SNAP91: variants seen among roughly 807,000 people sequenced by gnomAD.
SNAP91 encodes synaptosome associated protein 91.
Under a neutral mutation model 100.3 loss-of-function variants are expected in SNAP91, and 27 were observed. The observed-to-expected ratio is 0.27, with a 90% CI of 0.20 to 0.37. The LOEUF (loss-of-function observed/expected upper bound fraction) is 0.37, where lower values mean the gene tolerates loss of function less well. Ranked by LOEUF, SNAP91 falls within the 10% of genes least tolerant of loss-of-function variation. The pLI, the probability that SNAP91 is intolerant of heterozygous loss-of-function variation, is 1.00. For missense variants in SNAP91, 986 were observed against 1,123.7 expected, an observed-to-expected ratio of 0.88 and a Z score of 1.75; for synonymous variants, 404 against 398.6, an observed-to-expected ratio of 1.01 and a Z score of -0.16.
At chr6:83,641,623 G>A (rs1216420975) in intron 7 of SNAP91, among the ~76,000 whole-genome samples, 1 of 152,008 alleles carries the variant, frequency 6.6e-6, no homozygotes, top group African/African-American at 2.4e-5. Context: ...TAAATTATAA[G>A]ACAATAATCA....
chr6:83,615,638 T>G (rs751598309), intron 10 of SNAP91, among the ~76,000 whole-genome samples: 51 of 152,314 alleles, frequency 3.3e-4, no homozygotes, highest in Admixed American at 7.8e-4. Flanking sequence ...CCCTGAGAGC[T>G]CCTACTATCC....
chr6:83,695,267 G>C (rs1325667872), intron 2 of SNAP91, among the ~76,000 whole-genome samples: 1 of 107,630 alleles, frequency 9.3e-6, no homozygotes, highest in Non-Finnish European at 1.8e-5. Context: ...ACAGAGTGAG[G>C]CTCCATCTCA....
intron 2 of SNAP91, among the ~76,000 whole-genome samples, chr6:83,684,289 C>G (rs1039480866): frequency 5.9e-5 from 9 of 152,128 alleles, no homozygotes; most frequent in African/African-American, 2.2e-4. Context: ...AGATGAGGAA[C>G]ATGGGTTGGG....
chr6:83,579,013 T>C (rs961341389), intron 24 of SNAP91, among the ~76,000 whole-genome samples: 7 of 152,194 alleles, frequency 4.6e-5, no homozygotes, highest in Non-Finnish European at 8.8e-5. Context: ...CACTGAATGG[T>C]CTTGGTATCC....
chr6:83,599,387 A>G (rs947329172), intron 16 of SNAP91, among the ~76,000 whole-genome samples: 2 of 152,206 alleles, frequency 1.3e-5, no homozygotes, highest in African/African-American at 2.4e-5. Flanking sequence ...CATCCTGTCC[A>G]TATTTTCCTT....
intron 8 of SNAP91, among the ~76,000 whole-genome samples, chr6:83,630,775 T>TA (rs36034560): frequency 1.4e-3 from 213 of 148,334 alleles, no homozygotes; most frequent in East Asian, 8.3e-3. Context: ...AATTTTATCT[T>TA]AAAAAAAAAA....
At chr6:83,576,110 T>C (rs969828131) in intron 24 of SNAP91, 57 bp from the exon 25 acceptor site, 2 of 908,612 alleles carry the variant, frequency 2.2e-6, no homozygotes, top group Non-Finnish European at 3.3e-6. Flanking sequence ...TTATATGATA[T>C]GACATTTAAA....
intron 2 of SNAP91, among the ~76,000 whole-genome samples, chr6:83,681,255 C>T (rs897724173): frequency 2.6e-5 from 4 of 152,140 alleles, no homozygotes; most frequent in Non-Finnish European, 5.9e-5. Flanking sequence ...TCCTATCAAA[C>T]TTTCCTATCC....
chr6:83,680,980 G>A (rs2098980829), intron 2 of SNAP91, among the ~76,000 whole-genome samples: 1 of 152,116 alleles, frequency 6.6e-6, no homozygotes, highest in African/African-American at 2.4e-5. Context: ...TGCTGCATGA[G>A]TAACAGTCTG....
chr6:83,586,015 A>T (rs1415226702), intron 22 of SNAP91, among the ~76,000 whole-genome samples: 2 of 151,926 alleles, frequency 1.3e-5, no homozygotes, highest in Non-Finnish European at 2.9e-5. Context: ...ACACCCAGCT[A>T]ATTTTTGTAT....
intron 26 of SNAP91, among the ~76,000 whole-genome samples, chr6:83,571,190 C>A (rs752345875): frequency 1.3e-5 from 2 of 151,970 alleles, no homozygotes; most frequent in Middle Eastern, 3.4e-3. Context: ...CTGCAACCTG[C>A]GCCTCCCAGG....
At chr6:83,560,830 T>G in intron 27 of SNAP91, 34 bp downstream of exon 27, 2 of 1,570,914 alleles carry the variant, frequency 1.3e-6, no homozygotes, top group Non-Finnish European at 1.8e-6. Context: ...TTTAGAAATG[T>G]TGATTACAAT....
intron 24 of SNAP91, among the ~76,000 whole-genome samples, chr6:83,579,958 A>C (rs1402685206): frequency 1.3e-5 from 2 of 152,158 alleles, no homozygotes; most frequent in Admixed American, 6.5e-5. Context: ...GCCCTTCCTA[A>C]GTGCCATAAG....
At chr6:83,629,734 T>A (rs2097129312) in intron 8 of SNAP91, among the ~76,000 whole-genome samples, 1 of 152,108 alleles carries the variant, frequency 6.6e-6, no homozygotes, top group African/African-American at 2.4e-5. Flanking sequence ...CACTCTTTTA[T>A]CAGGTCTAAG....
intron 29 of SNAP91, among the ~76,000 whole-genome samples, chr6:83,555,493 A>G (rs1436779085): frequency 6.6e-6 from 1 of 152,186 alleles, no homozygotes; most frequent in African/African-American, 2.4e-5. Flanking sequence ...TGTGAAAAGT[A>G]CCGTGTAAAT....
intron 16 of SNAP91, among the ~76,000 whole-genome samples, chr6:83,595,410 A>T (rs974340025): frequency 3.9e-5 from 6 of 152,214 alleles, no homozygotes; most frequent in African/African-American, 1.4e-4. Context: ...ACATACGAGC[A>T]GCCACAGTTT....
chr6:83,671,531 A>T (rs1237522017), intron 2 of SNAP91, among the ~76,000 whole-genome samples: 1 of 152,072 alleles, frequency 6.6e-6, no homozygotes, highest in African/African-American at 2.4e-5. Flanking sequence ...GGCATGAGTG[A>T]AAATAAAGAC....
chr6:83,558,439 T>G (rs556966811), intron 28 of SNAP91, among the ~76,000 whole-genome samples: 2 of 152,332 alleles, frequency 1.3e-5, no homozygotes, highest in Admixed American at 6.5e-5. Flanking sequence ...ACTAGAAAAT[T>G]TCTCCTGAAG....
intron 2 of SNAP91, among the ~76,000 whole-genome samples, chr6:83,667,943 C>T (rs546473391): frequency 2.6e-5 from 4 of 151,936 alleles, no homozygotes; most frequent in Non-Finnish European, 5.9e-5. Context: ...TGACAAAGGG[C>T]TAATATCCAG....
Sources: allele counts gnomAD v4.1 joint callset (sites outside exome capture counted in the v4.1 genomes callset), GRCh38; gene constraint gnomAD v4.1.1; transcripts MANE v1.5; gene names NCBI Gene and HGNC (gene_info 2026-07-23, HGNC 2026-07-21).